MDGA2: variants seen among roughly 807,000 people sequenced by gnomAD.
MDGA2 encodes the protein MAM domain containing glycosylphosphatidylinositol anchor 2.
A neutral mutation model predicts 117.8 loss-of-function variants in MDGA2; 40 were observed. That is an observed-to-expected ratio of 0.34 (90% CI 0.26 to 0.44). MDGA2 has a LOEUF of 0.44. Ranked by LOEUF, MDGA2 falls within the 20% of genes least tolerant of loss-of-function variation. MDGA2 has a pLI of 1.00. For missense variants in MDGA2, 1,123 were observed against 1,250.6 expected, an observed-to-expected ratio of 0.90 and a Z score of 1.54; for synonymous variants, 452 against 439.0, an observed-to-expected ratio of 1.03 and a Z score of -0.37.
intron 1 of MDGA2, among the ~76,000 whole-genome samples, chr14:47,375,738 G>T (rs1035175315): frequency 6.6e-6 from 1 of 151,810 alleles, no homozygotes; most frequent in Non-Finnish European, 1.5e-5. Context: ...CTAACCTCTA[G>T]AACAATGGAT....
At chr14:47,542,703 G>C (rs1436593945) in intron 1 of MDGA2, among the ~76,000 whole-genome samples, 2 of 152,084 alleles carry the variant, frequency 1.3e-5, no homozygotes, top group African/African-American at 2.4e-5. Flanking sequence ...AAGTCAACTG[G>C]AGTAAAAATA....
At chr14:47,390,160 T>C (rs1891861933) in intron 1 of MDGA2, among the ~76,000 whole-genome samples, 1 of 152,196 alleles carries the variant, frequency 6.6e-6, no homozygotes, top group Non-Finnish European at 1.5e-5. Context: ...GGCTTAATTC[T>C]CCCTGTTGAA....
At chr14:47,359,748 C>CAAAAAAAAAAAAAAAAAAAAAAAAAA (rs71448198) in intron 1 of MDGA2, among the ~76,000 whole-genome samples, 1 of 110,762 alleles carries the variant, frequency 9.0e-6, no homozygotes, top group Non-Finnish European at 1.8e-5. Context: ...AAGACTGTCT[C>CAAAAAAAAAAAAAAAAAAAAAAAAAA]AAAAAAAAAA....
intron 3 of MDGA2, among the ~76,000 whole-genome samples, chr14:47,168,060 T>C (rs1566661018): frequency 6.6e-6 from 1 of 152,158 alleles, no homozygotes. Flanking sequence ...ATTAGACATC[T>C]GTTACAGAAA....
In MDGA2 at chr14:46,978,121, A is replaced by C. The variant is rs1035182179; in HGVS notation, c.1820-20478T>G. Among the ~76,000 whole-genome samples, 4 of 152,078 alleles carry C rather than the reference A, an allele frequency of 2.6e-5. No homozygotes were observed. In the South Asian group the frequency reaches 8.3e-4, roughly 32 times the overall value. On this transcript the variant is annotated intron_variant, in intron 8 of 16. Coordinates refer to ENST00000399232, the MANE Select transcript of MDGA2 (RefSeq NM_001113498.3). ...TAATAGTTTCAACAAAACAACAAAC[A>C]AAACAAAACAAAGCAAGAAAATAAA...
rs115875083 is a variant in MDGA2 at position 47,650,586 on chromosome 14, C to T, written c.280+23931G>A. On this transcript the variant is annotated intron_variant, in intron 1 of 16. Transcript: ENST00000399232. ...AAGTATGGGTATGTGTGAATGCACC[C>T]TGTGATGGAAAGGCAACCTGTCCAG... Among the ~76,000 whole-genome samples the T allele has an allele frequency of 1.4e-3, 210 of 152,226 alleles. 1 individual carries two copies. The highest frequency in any genetic ancestry group is 4.9e-3 in the African/African-American group (205 of 41,530).
At chr14:47,054,320 C>CTTT (rs1357634971) in intron 7 of MDGA2, among the ~76,000 whole-genome samples, 18 of 144,872 alleles carry the variant, frequency 1.2e-4, no homozygotes, top group South Asian at 1.0e-3. Context: ...AGTCTCAAAG[C>CTTT]TCTTATTATT....
At chr14:47,657,268 G>A (rs1345131599) in intron 1 of MDGA2, among the ~76,000 whole-genome samples, 1 of 152,166 alleles carries the variant, frequency 6.6e-6, no homozygotes, top group Non-Finnish European at 1.5e-5. Flanking sequence ...CAAAGCTGGG[G>A]TGGGTTGTTA....
intron 1 of MDGA2, among the ~76,000 whole-genome samples, chr14:47,455,244 G>A (rs1246774459): frequency 6.6e-6 from 1 of 152,146 alleles, no homozygotes. Context: ...GGTGGCTCAC[G>A]CCTATAATCC....
At chr14:47,627,057 T>C (rs966620233) in intron 1 of MDGA2, among the ~76,000 whole-genome samples, 6 of 152,218 alleles carry the variant, frequency 3.9e-5, no homozygotes, top group African/African-American at 1.2e-4. Context: ...TCAGGGTTTG[T>C]GAATGCACCA....
intron 2 of MDGA2, among the ~76,000 whole-genome samples, chr14:47,249,163 A>G (rs1383143186): frequency 6.6e-6 from 1 of 151,760 alleles, no homozygotes; most frequent in African/African-American, 2.4e-5. Flanking sequence ...GACTACAGGC[A>G]CGCACCACCA....
intron 1 of MDGA2, among the ~76,000 whole-genome samples, chr14:47,544,927 T>C (rs1895429194): frequency 6.6e-6 from 1 of 152,242 alleles, no homozygotes; most frequent in South Asian, 2.1e-4. Flanking sequence ...AACAATCTTT[T>C]CTAAATTTAA....
At chr14:47,184,361 T>C (rs1208216368) in intron 3 of MDGA2, among the ~76,000 whole-genome samples, 2 of 151,962 alleles carry the variant, frequency 1.3e-5, no homozygotes, top group African/African-American at 4.8e-5. Context: ...ATTAGAACTC[T>C]ATTGGGATAT....
At chr14:46,888,446 C>G (rs752924087) in intron 10 of MDGA2, among the ~76,000 whole-genome samples, 54 of 151,566 alleles carry the variant, frequency 3.6e-4, no homozygotes, top group Admixed American at 1.5e-3. Flanking sequence ...TTCTTTTATC[C>G]CCAGGAGGTA....
chr14:47,158,006 T>TACAC (rs3039402), intron 3 of MDGA2, among the ~76,000 whole-genome samples: 2,908 of 149,046 alleles, frequency 0.02, 70 homozygotes, highest in East Asian at 0.073. Context: ...ACAGTATCTA[T>TACAC]ACACACACAC....
At chr14:46,966,070 G>T (rs1232093742) in intron 8 of MDGA2, among the ~76,000 whole-genome samples, 2 of 147,010 alleles carry the variant, frequency 1.4e-5, no homozygotes, top group African/African-American at 5.3e-5. Flanking sequence ...CACACTACAT[G>T]TATACTGAAG....
chr14:47,176,639 C>G (rs1884463046), intron 3 of MDGA2, among the ~76,000 whole-genome samples: 1 of 152,134 alleles, frequency 6.6e-6, no homozygotes, highest in Non-Finnish European at 1.5e-5. Context: ...ACACCTTATA[C>G]AAAAATTAAT....
At chr14:47,363,783 GGA>G (rs1271359553) in intron 1 of MDGA2, among the ~76,000 whole-genome samples, 3 of 151,908 alleles carry the variant, frequency 2.0e-5, no homozygotes, top group Non-Finnish European at 4.4e-5. Context: ...AGGAAGGGAA[GGA>G]GAGAGAAATG....
chr14:47,639,622 GC>G (rs1188142260), intron 1 of MDGA2, among the ~76,000 whole-genome samples: 1 of 152,060 alleles, frequency 6.6e-6, no homozygotes, highest in African/African-American at 2.4e-5. Flanking sequence ...AATAAAAAAT[GC>G]TATTTTTATT....
Sources: gnomAD v4.1 joint callset for allele counts (sites outside exome capture counted in the v4.1 genomes callset) on GRCh38, gnomAD v4.1.1 for gene constraint, MANE v1.5 for transcripts, NCBI Gene and HGNC (gene_info 2026-07-23, HGNC 2026-07-21) for gene names.